CERS3: variants seen among roughly 807,000 people sequenced by gnomAD.
The protein encoded by CERS3 is LAG1 homolog, ceramide synthase 3.
CERS3 carries 33 observed loss-of-function variants against 50.3 expected under a neutral mutation model. The observed-to-expected ratio is 0.66, with a 90% CI of 0.50 to 0.88. CERS3 has a LOEUF of 0.88. Ranked by LOEUF, CERS3 falls within the 40% of genes least tolerant of loss-of-function variation. The pLI, the probability that CERS3 is intolerant of heterozygous loss-of-function variation, is 0.00. For synonymous variants in CERS3, 176 were observed against 155.2 expected (o/e 1.13, Z -0.99); for missense variants, 470 against 460.3 (o/e 1.02, Z -0.19).
chr15:100,501,661 C>A lies in CERS3; in HGVS notation c.173+16G>T, dbSNP rs1157193459. ...AAAGAGGGGGAATGGGAAGGAAAGA[C>A]ACAAGTACTACTTACTTTTCAAATA... On this transcript the variant is annotated intron_variant, in intron 3 of 11. Coordinates refer to ENST00000679737, the MANE Select transcript of CERS3 (RefSeq NM_001378789.1). 2 of 1,598,196 alleles carry A rather than the reference C, an allele frequency of 1.3e-6. No homozygotes were observed. Among genetic ancestry groups the A allele is most frequent in the African/African-American group, 1.3e-5 (1 of 74,620 alleles).
intron 11 of CERS3, among the ~76,000 whole-genome samples, chr15:100,426,630 T>C (rs1042404302): frequency 3.3e-5 from 5 of 152,092 alleles, no homozygotes; most frequent in Admixed American, 3.3e-4. Context: ...GTTGAAAGAG[T>C]GAATGAATTA....
chr15:100,514,789 T>TA (rs71151962), intron 2 of CERS3, among the ~76,000 whole-genome samples: 145,240 of 152,146 alleles, frequency 0.95, 69,388 homozygotes, highest in Non-Finnish European at 0.97. Context: ...TGTGTGGGTA[T>TA]AAAAAAACTA....
chr15:100,510,419 C>T (rs1160885816), intron 2 of CERS3, among the ~76,000 whole-genome samples: 2 of 151,938 alleles, frequency 1.3e-5, no homozygotes, highest in African/African-American at 4.8e-5. Context: ...GGAAGAAATT[C>T]ATAATAGAGT....
At chr15:100,466,403 AC>A (rs2034717649) in intron 10 of CERS3, among the ~76,000 whole-genome samples, 1 of 152,184 alleles carries the variant, frequency 6.6e-6, no homozygotes, top group South Asian at 2.1e-4. Context: ...CTTTTTAAAA[AC>A]ATCCGCAAAT....
At chr15:100,480,171 A>G (rs2035255243) in intron 5 of CERS3, 125 bp from the exon 6 acceptor site, 2 of 716,498 alleles carry the variant, frequency 2.8e-6, no homozygotes, top group African/African-American at 1.8e-5. Context: ...CAAAGTTTCT[A>G]TCCTGGCTCT....
At chr15:100,468,032 A>C (rs1248519926) in intron 10 of CERS3, among the ~76,000 whole-genome samples, 1 of 151,904 alleles carries the variant, frequency 6.6e-6, no homozygotes, top group East Asian at 1.9e-4. Context: ...AGCCATTACT[A>C]AAATTTCACA....
chr15:100,452,485 C>A (rs961107032), intron 11 of CERS3, among the ~76,000 whole-genome samples: 2 of 152,048 alleles, frequency 1.3e-5, no homozygotes, highest in Middle Eastern at 3.4e-3. Context: ...CATATCAAAA[C>A]CTATGAGATA....
At chr15:100,447,943 A>T (rs1210566233) in intron 11 of CERS3, among the ~76,000 whole-genome samples, 1 of 152,218 alleles carries the variant, frequency 6.6e-6, no homozygotes, top group African/African-American at 2.4e-5. Context: ...CAATAGTCTA[A>T]AAGTTTGAAT....
intron 1 of CERS3, among the ~76,000 whole-genome samples, chr15:100,541,982 A>G (rs1490959452): frequency 6.6e-6 from 1 of 152,228 alleles, no homozygotes; most frequent in East Asian, 1.9e-4. Flanking sequence ...TAGAGGATAA[A>G]TGGTACACCA....
At chr15:100,527,240 A>G (rs911028370) in intron 1 of CERS3, among the ~76,000 whole-genome samples, 1 of 152,188 alleles carries the variant, frequency 6.6e-6, no homozygotes, top group African/African-American at 2.4e-5. Flanking sequence ...GAGGTTTCAG[A>G]GAGCCAAGAT....
At chr15:100,504,802 A>G (rs750191387) in intron 2 of CERS3, among the ~76,000 whole-genome samples, 1 of 152,192 alleles carries the variant, frequency 6.6e-6, no homozygotes, top group East Asian at 1.9e-4. Context: ...ATCAACTTTC[A>G]TGGTTAGTTT....
intron 8 of CERS3, among the ~76,000 whole-genome samples, chr15:100,473,523 C>G (rs1234846188): frequency 6.6e-6 from 1 of 152,174 alleles, no homozygotes; most frequent in Non-Finnish European, 1.5e-5. Flanking sequence ...AGAAAATATA[C>G]AAATGGCCAA....
At chr15:100,523,916 A>C (rs1417153841) in intron 1 of CERS3, among the ~76,000 whole-genome samples, 1 of 152,212 alleles carries the variant, frequency 6.6e-6, no homozygotes, top group Non-Finnish European at 1.5e-5. Flanking sequence ...TTTACCTGTC[A>C]CATCTAGATT....
At chr15:100,430,727 A>G (rs557360460) in intron 11 of CERS3, among the ~76,000 whole-genome samples, 1 of 139,332 alleles carries the variant, frequency 7.2e-6, no homozygotes, top group East Asian at 2.4e-4. Context: ...AAATACATTC[A>G]GTCAGTTCAA....
intron 10 of CERS3, among the ~76,000 whole-genome samples, chr15:100,463,965 G>A (rs1357421801): frequency 3.3e-5 from 5 of 152,080 alleles, no homozygotes; most frequent in Non-Finnish European, 7.4e-5. Context: ...AGCACTGTTG[G>A]GTGCTTTCAG....
chr15:100,509,938 C>A (rs546798993), intron 2 of CERS3, among the ~76,000 whole-genome samples: 7 of 151,038 alleles, frequency 4.6e-5, no homozygotes, highest in Non-Finnish European at 1.0e-4. Context: ...TCAAACAATT[C>A]TTAAAATTTG....
intron 1 of CERS3, among the ~76,000 whole-genome samples, chr15:100,537,432 A>G (rs954492192): frequency 2.0e-5 from 3 of 152,332 alleles, no homozygotes; most frequent in Middle Eastern, 3.4e-3. Context: ...ACTGCTTGAG[A>G]CTGGGTAATT....
At chr15:100,497,896 C>CA (rs1306094824) in intron 3 of CERS3, among the ~76,000 whole-genome samples, 1 of 63,602 alleles carries the variant, frequency 1.6e-5, no homozygotes, top group African/African-American at 5.3e-5. Flanking sequence ...CACACACACA[C>CA]TTTTTTTTTT....
rs777479343 is a variant in CERS3 at position 100,472,988 on chromosome 15, G to C, written c.674C>G (p.Ala225Gly). Residue 225 changes from alanine (A) to glycine (G), a missense_variant, in exon 9 of 12, where the codon GCT (alanine) becomes GGT (glycine). Ala to Gly is a moderately conservative substitution (Grantham distance 60, BLOSUM62 0). Coordinates refer to ENST00000679737, the MANE Select transcript of CERS3 (RefSeq NM_001378789.1). ...AISLMSFSWCANYIRSGTLVM... is the reference protein window; with the variant it reads ...AISLMSFSWCGNYIRSGTLVM... ...GAGGGTCCCACTGCGAATATAATTA[G>C]CACACCAAGAGAAGCTCATCAGACT... 17 of 1,613,784 alleles carry C rather than the reference G, an allele frequency of 1.1e-5. 1 individual carries two copies. In the South Asian group the frequency reaches 1.9e-4, roughly 18 times the overall value.
Sources: gnomAD v4.1 joint callset for allele counts (sites outside exome capture counted in the v4.1 genomes callset) on GRCh38, gnomAD v4.1.1 for gene constraint, MANE v1.5 for transcripts, NCBI Gene and HGNC (gene_info 2026-07-23, HGNC 2026-07-21) for gene names.